Variants in STAC observed in about 807,000 individuals in gnomAD.
STAC encodes SH3 and cysteine rich domain.
A neutral mutation model predicts 48.8 loss-of-function variants in STAC; 43 were observed. The observed-to-expected ratio is 0.88, with a 90% CI of 0.69 to 1.14. STAC has a LOEUF of 1.14. STAC is among the 50% of genes most tolerant of loss of function. The probability of loss-of-function intolerance (pLI) is 0.00; values close to 1 mark genes in which losing one functional copy is unlikely to be tolerated. For missense variants in STAC, 497 were observed against 504.0 expected (o/e 0.99, Z 0.13); for synonymous variants, 193 against 179.5 (o/e 1.07, Z -0.60).
chr3:36,428,766 T>G (rs533094902), intron 1 of STAC, among the ~76,000 whole-genome samples: 1 of 151,882 alleles, frequency 6.6e-6, no homozygotes, highest in Non-Finnish European at 1.5e-5. Flanking sequence ...GCAGAGTGAG[T>G]GATGAAGGAG....
intron 1 of STAC, among the ~76,000 whole-genome samples, chr3:36,398,345 A>AAAGAAAGAG (rs1483257227): frequency 7.0e-6 from 1 of 143,218 alleles, no homozygotes; most frequent in African/African-American, 2.6e-5. Context: ...GAAAGAAAGA[A>AAAGAAAGAG]AGAAAGAAAG....
intron 6 of STAC, among the ~76,000 whole-genome samples, chr3:36,504,187 A>G (rs960733841): frequency 1.3e-5 from 2 of 152,202 alleles, no homozygotes; most frequent in African/African-American, 2.4e-5. Context: ...GAGCACAGAG[A>G]AGGTGGTGCA....
chr3:36,474,373 G>A (rs1697433887), intron 2 of STAC, among the ~76,000 whole-genome samples: 2 of 152,150 alleles, frequency 1.3e-5, no homozygotes, highest in Non-Finnish European at 2.9e-5. Flanking sequence ...CATCCTCATT[G>A]ACCATGGTTA....
At chr3:36,494,040 T>C (rs1698066835) in intron 6 of STAC, among the ~76,000 whole-genome samples, 1 of 150,170 alleles carries the variant, frequency 6.7e-6, no homozygotes, top group Non-Finnish European at 1.5e-5. Flanking sequence ...TAGTCCCAGC[T>C]ACTCGGGAGG....
rs3217654 is a variant in STAC at position 36,493,130 on chromosome 3, CTCTT to C, written c.688-16_688-13del. 0.097 allele frequency: 156,160 copies of C among 1,608,514 alleles called. 9,205 individuals carry two copies. Among genetic ancestry groups the C allele is most frequent in the East Asian group, 0.28 (12,434 of 44,676 alleles). ...CAGATATAACATTGTTCATCCCATGCTCTTTCTTCTTTCCTCCAAGACTTCAGAT... is the reference window on the plus strand; with the variant it reads ...CAGATATAACATTGTTCATCCCATGCTCTTCTTTCCTCCAAGACTTCAGAT... On this transcript the variant is annotated splice_polypyrimidine_tract_variant and intron_variant, in intron 5 of 10. Coordinates refer to ENST00000273183, the MANE Select transcript of STAC (RefSeq NM_003149.3).
chr3:36,398,317 AAGC>A (rs1699898169), intron 1 of STAC, among the ~76,000 whole-genome samples: 1 of 86,876 alleles, frequency 1.2e-5, no homozygotes, highest in Non-Finnish European at 2.3e-5. Context: ...GAAAGAAAGA[AAGC>A]AAGAAAGAAA....
At chr3:36,446,825 G>A (rs116576349) in intron 2 of STAC, among the ~76,000 whole-genome samples, 23 of 152,286 alleles carry the variant, frequency 1.5e-4, no homozygotes, top group Non-Finnish European at 2.8e-4. Flanking sequence ...AAATGGAGTC[G>A]TATTTCCTAA....
At chr3:36,517,498 T>A (rs1289692288) in intron 8 of STAC, among the ~76,000 whole-genome samples, 2 of 151,712 alleles carry the variant, frequency 1.3e-5, no homozygotes, top group Non-Finnish European at 2.9e-5. Flanking sequence ...AAAATAGAAA[T>A]AAAAAATTAG....
intron 1 of STAC, among the ~76,000 whole-genome samples, chr3:36,401,508 C>G (rs1413905048): frequency 6.6e-6 from 1 of 152,124 alleles, no homozygotes; most frequent in East Asian, 1.9e-4. Context: ...CCCAAGGAAG[C>G]CCGCACTGGC....
intron 1 of STAC, among the ~76,000 whole-genome samples, chr3:36,431,980 C>T (rs11915205): frequency 0.084 from 12,814 of 152,216 alleles, 592 homozygotes; most frequent in African/African-American, 0.12. Flanking sequence ...CAAAGTATTT[C>T]TTCTGAATAT....
At chr3:36,473,428 T>C (rs1697396923) in intron 2 of STAC, among the ~76,000 whole-genome samples, 2 of 152,146 alleles carry the variant, frequency 1.3e-5, no homozygotes, top group Admixed American at 6.5e-5. Flanking sequence ...CTATGGGGAA[T>C]TGCAGATGAT....
chr3:36,380,780 G>A, intron 1 of STAC, 26 bp downstream of exon 1: 1 of 1,559,326 alleles, frequency 6.4e-7, no homozygotes, highest in Non-Finnish European at 8.8e-7. Flanking sequence ...GCCCCCAAGA[G>A]AACACAAACT....
intron 10 of STAC, among the ~76,000 whole-genome samples, chr3:36,539,555 G>A (rs1699274777): frequency 6.6e-6 from 1 of 152,248 alleles, no homozygotes; most frequent in East Asian, 1.9e-4. Context: ...TTTTATGGCT[G>A]CTTAGTATTC....
At chr3:36,455,636 C>T (rs1696831545) in intron 2 of STAC, among the ~76,000 whole-genome samples, 1 of 152,228 alleles carries the variant, frequency 6.6e-6, no homozygotes, top group Non-Finnish European at 1.5e-5. Flanking sequence ...CACTGACCTA[C>T]TTTAGAATGG....
At chr3:36,478,258 A>C (rs1697544634) in intron 2 of STAC, among the ~76,000 whole-genome samples, 1 of 152,146 alleles carries the variant, frequency 6.6e-6, no homozygotes, top group Non-Finnish European at 1.5e-5. Flanking sequence ...CAAGAGTTTT[A>C]TCACAATTTT....
At chr3:36,446,384 G>A (rs543485663) in intron 2 of STAC, among the ~76,000 whole-genome samples, 2 of 152,322 alleles carry the variant, frequency 1.3e-5, no homozygotes, top group South Asian at 4.1e-4. Context: ...TCCATACTGA[G>A]TCTTAGTCTA....
chr3:36,433,699 T>C (rs992738240), intron 1 of STAC, among the ~76,000 whole-genome samples: 1 of 152,208 alleles, frequency 6.6e-6, no homozygotes, highest in Non-Finnish European at 1.5e-5. Context: ...TGCTGACTTC[T>C]CAGAGCTGGA....
At chr3:36,390,675 T>C (rs887876248) in intron 1 of STAC, among the ~76,000 whole-genome samples, 1 of 152,062 alleles carries the variant, frequency 6.6e-6, no homozygotes, top group Admixed American at 6.6e-5. Flanking sequence ...GTGTTCTTGG[T>C]CAGATTTTAT....
chr3:36,524,329 C>T (rs1698876338), intron 8 of STAC, among the ~76,000 whole-genome samples: 1 of 152,140 alleles, frequency 6.6e-6, no homozygotes, highest in Non-Finnish European at 1.5e-5. Context: ...CGCGGTGGCT[C>T]ACGCCTGTAA....
Sources: allele counts gnomAD v4.1 joint callset (sites outside exome capture counted in the v4.1 genomes callset), GRCh38; gene constraint gnomAD v4.1.1; transcripts MANE v1.5; gene names NCBI Gene and HGNC (gene_info 2026-07-23, HGNC 2026-07-21).